Variants in CTNNA3 observed in about 807,000 individuals in gnomAD.
CTNNA3 encodes catenin alpha-3.
CTNNA3 carries 76 observed loss-of-function variants against 95.7 expected under a neutral mutation model. The observed-to-expected ratio is 0.79, with a 90% CI of 0.66 to 0.96. CTNNA3 has a LOEUF of 0.96. Among genes scored for constraint, CTNNA3 ranks in the 40% least tolerant of loss-of-function variants. The pLI is 0.00. For missense variants in CTNNA3, 1,191 were observed against 1,089.8 expected (o/e 1.09, Z -1.31); for synonymous variants, 431 against 374.4 (o/e 1.15, Z -1.74).
intron 13 of CTNNA3, among the ~76,000 whole-genome samples, chr10:66,196,199 A>G (rs2131898109): frequency 6.6e-6 from 1 of 152,326 alleles, no homozygotes; most frequent in Middle Eastern, 3.4e-3. Context: ...ATATAAAGCA[A>G]AGGTTAAACA....
At chr10:66,478,353 G>A (rs1339256474) in intron 11 of CTNNA3, among the ~76,000 whole-genome samples, 1 of 151,902 alleles carries the variant, frequency 6.6e-6, no homozygotes, top group Non-Finnish European at 1.5e-5. Flanking sequence ...TTTTACACTT[G>A]AAAATATTTA....
chr10:66,185,650 A>C (rs1216630758), intron 13 of CTNNA3, among the ~76,000 whole-genome samples: 2 of 152,034 alleles, frequency 1.3e-5, no homozygotes, highest in African/African-American at 4.8e-5. Context: ...ATGAATTCCA[A>C]AGTCCCAGGT....
intron 13 of CTNNA3, among the ~76,000 whole-genome samples, chr10:66,178,494 T>C (rs78220029): frequency 1.2e-4 from 15 of 120,976 alleles, no homozygotes; most frequent in African/African-American, 3.8e-4. Flanking sequence ...CACACACACA[T>C]ACACACACCC....
At chr10:67,708,396 C>T (rs568124600) in intron 1 of CTNNA3, among the ~76,000 whole-genome samples, 1 of 152,142 alleles carries the variant, frequency 6.6e-6, no homozygotes, top group African/African-American at 2.4e-5. Context: ...ATAAACCAGA[C>T]CATCTTGTAT....
At chr10:66,474,037 G>T (rs1839232745) in intron 11 of CTNNA3, among the ~76,000 whole-genome samples, 1 of 152,062 alleles carries the variant, frequency 6.6e-6, no homozygotes, top group Admixed American at 6.6e-5. Flanking sequence ...ACCCAGTAAA[G>T]GGATGTTATA....
chr10:66,416,080 A>G (rs1221967112), intron 11 of CTNNA3, among the ~76,000 whole-genome samples: 1 of 151,730 alleles, frequency 6.6e-6, no homozygotes, highest in Non-Finnish European at 1.5e-5. Context: ...ACAATTCAGG[A>G]TAAGAATGAG....
intron 1 of CTNNA3, among the ~76,000 whole-genome samples, chr10:67,649,233 T>C (rs538630433): frequency 6.6e-6 from 1 of 152,368 alleles, no homozygotes; most frequent in Admixed American, 6.5e-5. Context: ...AAATAAAATT[T>C]GGTGAACCTT....
At chr10:67,290,131 G>A (rs769890963) in intron 5 of CTNNA3, among the ~76,000 whole-genome samples, 1 of 152,106 alleles carries the variant, frequency 6.6e-6, no homozygotes, top group Non-Finnish European at 1.5e-5. Flanking sequence ...TCTATTAGCA[G>A]TCTTTAGAAC....
chr10:66,465,347 T>C (rs946930756), intron 11 of CTNNA3, among the ~76,000 whole-genome samples: 1 of 152,140 alleles, frequency 6.6e-6, no homozygotes, highest in Non-Finnish European at 1.5e-5. Flanking sequence ...TTTTCAAATG[T>C]TTGAATCAGT....
chr10:66,688,426 C>T (rs1847380690), intron 9 of CTNNA3, among the ~76,000 whole-genome samples: 1 of 152,082 alleles, frequency 6.6e-6, no homozygotes, highest in African/African-American at 2.4e-5. Context: ...TGGGTTGTTC[C>T]TCTTTCCTGG....
chr10:66,291,612 G>C (rs924263679), intron 12 of CTNNA3, among the ~76,000 whole-genome samples: 1 of 152,016 alleles, frequency 6.6e-6, no homozygotes, highest in Admixed American at 6.6e-5. Context: ...AGTATTCTCT[G>C]TGCTCTTCCC....
At chr10:66,021,850 G>A (rs1397496430) in intron 15 of CTNNA3, among the ~76,000 whole-genome samples, 1 of 44,404 alleles carries the variant, frequency 2.3e-5, no homozygotes, top group Non-Finnish European at 4.5e-5. Flanking sequence ...ACAGGATCTT[G>A]GCTTTTTTTT....
chr10:66,574,254 A>G (rs1842944390), intron 10 of CTNNA3, among the ~76,000 whole-genome samples: 1 of 152,100 alleles, frequency 6.6e-6, no homozygotes, highest in African/African-American at 2.4e-5. Context: ...AAAAAAGGAA[A>G]AACAATGACA....
intron 7 of CTNNA3, among the ~76,000 whole-genome samples, chr10:66,813,397 A>C (rs1300905269): frequency 6.6e-6 from 1 of 152,140 alleles, no homozygotes. Context: ...TTGTGAAATG[A>C]TAGGGTATCT....
chr10:65,962,415 CT>C (rs1691699124), intron 17 of CTNNA3, among the ~76,000 whole-genome samples: 1 of 152,026 alleles, frequency 6.6e-6, no homozygotes, highest in Admixed American at 6.6e-5. Context: ...ATTCTTAATT[CT>C]TTCTTCTTTT....
At chr10:67,684,237 G>A (rs1840685417) in intron 1 of CTNNA3, among the ~76,000 whole-genome samples, 1 of 152,084 alleles carries the variant, frequency 6.6e-6, no homozygotes, top group Admixed American at 6.5e-5. Flanking sequence ...AGCACTGACT[G>A]GTGCGTTTTT....
chr10:67,716,887 G>A (rs1841147065), intron 1 of CTNNA3, among the ~76,000 whole-genome samples: 1 of 152,136 alleles, frequency 6.6e-6, no homozygotes, highest in Non-Finnish European at 1.5e-5. Context: ...GATCCTTGAG[G>A]AATCGCCACA....
intron 13 of CTNNA3, among the ~76,000 whole-genome samples, chr10:66,243,471 C>T (rs937245057): frequency 3.9e-5 from 6 of 152,170 alleles, no homozygotes; most frequent in African/African-American, 1.4e-4. Flanking sequence ...TTATCTTAAC[C>T]CAGACATTCC....
At chr10:67,606,014 G>C (rs1284756312) in intron 3 of CTNNA3, among the ~76,000 whole-genome samples, 1 of 152,116 alleles carries the variant, frequency 6.6e-6, no homozygotes, top group Non-Finnish European at 1.5e-5. Context: ...GTGACATAAA[G>C]CTTATTGTTA....
Sources: allele counts gnomAD v4.1 joint callset (sites outside exome capture counted in the v4.1 genomes callset), GRCh38; gene constraint gnomAD v4.1.1; transcripts MANE v1.5; gene names NCBI Gene and HGNC (gene_info 2026-07-23, HGNC 2026-07-21).